The following SH3BGRL variants were observed in gnomAD, a reference collection of about 807,000 sequenced individuals.
The protein encoded by SH3BGRL is adapter SH3BGRL.
Under a neutral mutation model 9.8 loss-of-function variants are expected in SH3BGRL, and 7 were observed. The ratio of observed to expected loss-of-function variants is 0.72; its 90% CI spans 0.41 to 1.35. The LOEUF (loss-of-function observed/expected upper bound fraction) is 1.35, where lower values mean the gene tolerates loss of function less well. SH3BGRL is among the 40% of genes most tolerant of loss of function. The probability of loss-of-function intolerance (pLI) is 0.01; values close to 1 mark genes in which losing one functional copy is unlikely to be tolerated. For missense variants in SH3BGRL, 73 were observed against 84.4 expected, an observed-to-expected ratio of 0.86 and a Z score of 0.53; for synonymous variants, 36 against 29.1, an observed-to-expected ratio of 1.24 and a Z score of -0.76.
At chrX:81,252,940 G>C (rs1486460658) in intron 1 of SH3BGRL, among the ~76,000 whole-genome samples, 3 of 112,383 alleles carry the variant, frequency 2.7e-5, no homozygotes, top group Non-Finnish European at 3.8e-5. Context: ...CACAACATTT[G>C]AGTAATAACA....
chrX:81,275,552 A>G (rs2075796205), intron 1 of SH3BGRL, among the ~76,000 whole-genome samples: 1 of 112,309 alleles, frequency 8.9e-6, no homozygotes, highest in South Asian at 3.7e-4. Flanking sequence ...CCTTTCATCA[A>G]GTGCATTAGT....
At chrX:81,256,557 C>T (rs908287444) in intron 1 of SH3BGRL, among the ~76,000 whole-genome samples, 1 of 111,640 alleles carries the variant, frequency 9.0e-6, no homozygotes, top group African/African-American at 3.3e-5. Context: ...GAGAAATTTA[C>T]AGTTTCCCAG....
intron 1 of SH3BGRL, among the ~76,000 whole-genome samples, chrX:81,257,360 C>T (rs2075728449): frequency 8.9e-6 from 1 of 111,953 alleles, no homozygotes; most frequent in Non-Finnish European, 1.9e-5. Context: ...TATTAGTTTT[C>T]TATGCTGTGT....
At chrX:81,214,637 A>G (rs1403662121) in intron 1 of SH3BGRL, among the ~76,000 whole-genome samples, 5 of 111,943 alleles carry the variant, frequency 4.5e-5, no homozygotes, top group African/African-American at 1.6e-4. Flanking sequence ...ATAGGAAAGG[A>G]TGAAAGCAAA....
chrX:81,295,709 G>A (rs922116031), intron 3 of SH3BGRL, among the ~76,000 whole-genome samples: 1 of 111,743 alleles, frequency 8.9e-6, no homozygotes, highest in African/African-American at 3.3e-5. Context: ...CAGTCTCTTT[G>A]CTGAAGCACA....
At chrX:81,202,452 G>C in intron 1 of SH3BGRL, 2 of 990,751 alleles carry the variant, frequency 2.0e-6, no homozygotes, top group African/African-American at 2.1e-5. Flanking sequence ...AGCTTTGTTT[G>C]CTTCGTGACG....
At chrX:81,261,228 A>G (rs1222116959) in intron 1 of SH3BGRL, among the ~76,000 whole-genome samples, 1 of 111,394 alleles carries the variant, frequency 9.0e-6, no homozygotes, top group Non-Finnish European at 1.9e-5. Flanking sequence ...CTGTGGATAA[A>G]TTTACTTAAC....
intron 1 of SH3BGRL, among the ~76,000 whole-genome samples, chrX:81,228,294 G>T (rs936580781): frequency 9.0e-6 from 1 of 111,711 alleles, no homozygotes; most frequent in Admixed American, 9.5e-5. Flanking sequence ...CATTGGTTCG[G>T]TCCAGAAAGG....
intron 1 of SH3BGRL, among the ~76,000 whole-genome samples, chrX:81,257,051 A>G (rs978586846): frequency 9.4e-6 from 1 of 105,935 alleles, no homozygotes. Flanking sequence ...TAATTTGTTT[A>G]TTCTCTACAT....
intron 1 of SH3BGRL, among the ~76,000 whole-genome samples, chrX:81,223,136 C>G (rs917970657): frequency 3.3e-4 from 37 of 111,417 alleles, no homozygotes; most frequent in African/African-American, 6.2e-4. Flanking sequence ...CCTGTTCACT[C>G]TGATGGTGGT....
intron 1 of SH3BGRL, among the ~76,000 whole-genome samples, chrX:81,269,442 T>C (rs2075769646): frequency 8.9e-6 from 1 of 111,775 alleles, no homozygotes; most frequent in African/African-American, 3.3e-5. Context: ...CATTTGCTTG[T>C]CTGTAAACTA....
At chrX:81,276,916 C>G (rs1486265573) in intron 1 of SH3BGRL, 68 bp from the exon 2 acceptor site, 2 of 923,218 alleles carry the variant, frequency 2.2e-6, no homozygotes, top group African/African-American at 4.0e-5. Flanking sequence ...GAATTCATTT[C>G]TGCCAGCTCA....
At chrX:81,277,508 G>A (rs895734898) in intron 2 of SH3BGRL, among the ~76,000 whole-genome samples, 1 of 112,338 alleles carries the variant, frequency 8.9e-6, no homozygotes, top group Non-Finnish European at 1.9e-5. Context: ...CAGTTTGGTT[G>A]CTCTTCTGGT....
chrX:81,261,586 G>A (rs763425047), intron 1 of SH3BGRL, among the ~76,000 whole-genome samples: 1 of 111,335 alleles, frequency 9.0e-6, no homozygotes, highest in Admixed American at 9.6e-5. Context: ...ATCTTTTTGT[G>A]TTTTGGTAAA....
chrX:81,255,880 G>C (rs1316014202), intron 1 of SH3BGRL, among the ~76,000 whole-genome samples: 2 of 112,187 alleles, frequency 1.8e-5, no homozygotes, highest in African/African-American at 6.5e-5. Flanking sequence ...AATACAGAAA[G>C]GCCTATGGAG....
chrX:81,208,715 G>A (rs1384932878), intron 1 of SH3BGRL, among the ~76,000 whole-genome samples: 3 of 111,503 alleles, frequency 2.7e-5, no homozygotes, highest in Non-Finnish European at 3.8e-5. Flanking sequence ...TTAGAGAGAC[G>A]AGGCGGTTCA....
intron 1 of SH3BGRL, among the ~76,000 whole-genome samples, chrX:81,265,165 G>C (rs2075752679): frequency 9.3e-6 from 1 of 107,424 alleles, no homozygotes; most frequent in African/African-American, 3.4e-5. Context: ...CATGATTGTG[G>C]TAGAAGTGCA....
At chrX:81,268,992 G>A (rs889293100) in intron 1 of SH3BGRL, among the ~76,000 whole-genome samples, 2 of 111,437 alleles carry the variant, frequency 1.8e-5, no homozygotes, top group Non-Finnish European at 3.8e-5. Flanking sequence ...TGTCTCTTTT[G>A]ATCTTTGTTG....
intron 1 of SH3BGRL, among the ~76,000 whole-genome samples, chrX:81,227,045 G>A (rs1488184800): frequency 2.7e-5 from 3 of 112,195 alleles, no homozygotes; most frequent in Non-Finnish European, 5.6e-5. Flanking sequence ...CACTGCTTTT[G>A]TTCCTTTTAA....
Sources: allele counts gnomAD v4.1 joint callset (sites outside exome capture counted in the v4.1 genomes callset), GRCh38; gene constraint gnomAD v4.1.1; transcripts MANE v1.5; gene names NCBI Gene and HGNC (gene_info 2026-07-23, HGNC 2026-07-21).